The following TTC17 variants were observed in gnomAD, a reference collection of about 807,000 sequenced individuals.
The protein encoded by TTC17 is tetratricopeptide repeat protein 17.
A neutral mutation model predicts 143.8 loss-of-function variants in TTC17; 58 were observed. That is an observed-to-expected ratio of 0.40 (90% CI 0.33 to 0.50). TTC17 has a LOEUF of 0.50. Ranked by LOEUF, TTC17 falls within the 20% of genes least tolerant of loss-of-function variation. The pLI, the probability that TTC17 is intolerant of heterozygous loss-of-function variation, is 0.49. For missense variants in TTC17, 1,273 were observed against 1,392.5 expected, an observed-to-expected ratio of 0.91 and a Z score of 1.37; for synonymous variants, 501 against 497.8, an observed-to-expected ratio of 1.01 and a Z score of -0.09.
At chr11:43,363,647 C>G (rs771470220) in intron 1 of TTC17, among the ~76,000 whole-genome samples, 1 of 152,194 alleles carries the variant, frequency 6.6e-6, no homozygotes, top group African/African-American at 2.4e-5. Flanking sequence ...TGTGGACTTT[C>G]AGATTTGGAA....
chr11:43,483,294 G>A (rs1161869778), intron 21 of TTC17, among the ~76,000 whole-genome samples: 1 of 152,024 alleles, frequency 6.6e-6, no homozygotes. Flanking sequence ...CAGACTTCCA[G>A]ACATTAGAAT....
intron 16 of TTC17, among the ~76,000 whole-genome samples, chr11:43,435,656 G>T: frequency 6.6e-6 from 1 of 152,106 alleles, no homozygotes; most frequent in East Asian, 1.9e-4. Flanking sequence ...AGCCTTAATT[G>T]TTGACTTTCT....
chr11:43,468,499 A>G (rs1948025370), intron 21 of TTC17: 1 of 152,242 alleles, frequency 6.6e-6, no homozygotes, highest in South Asian at 2.1e-4. Flanking sequence ...CTTGAGATAA[A>G]TTATAGACAT....
In TTC17 at chr11:43,443,598, C is replaced by T. The variant is rs754415990; in HGVS notation, c.2511+14C>T. On this transcript the variant is annotated intron_variant, in intron 17 of 23. Coordinates refer to ENST00000039989, the MANE Select transcript of TTC17 (RefSeq NM_018259.6). ...GCAACAGAATGGGTAAGTTTGCCAA[C>T]TTAATTCTCACAAAATTGTAGCCCA... 3 of 1,596,048 alleles carry T rather than the reference C, an allele frequency of 1.9e-6. No homozygotes were observed. The highest frequency in any genetic ancestry group is 2.2e-5 in the South Asian group (2 of 88,902).
intron 1 of TTC17, among the ~76,000 whole-genome samples, chr11:43,364,047 CTTTTTTT>C (rs71308379): frequency 1.2e-4 from 11 of 94,450 alleles, no homozygotes; most frequent in South Asian, 3.5e-4. Flanking sequence ...TACAGATCCT[CTTTTTTT>C]TTTTTTTTTT....
chr11:43,444,697 G>A (rs184626582), intron 18 of TTC17, among the ~76,000 whole-genome samples: 8 of 148,258 alleles, frequency 5.4e-5, no homozygotes, highest in Middle Eastern at 3.5e-3. Context: ...TACGTGCAGC[G>A]TACATAGGCA....
chr11:43,449,161 T>G (rs1236826125), intron 19 of TTC17: 2 of 152,232 alleles, frequency 1.3e-5, no homozygotes, highest in Non-Finnish European at 2.9e-5. Flanking sequence ...CAAATATAAG[T>G]CAAATCATTC....
At chr11:43,367,209 G>C (rs1014758716) in intron 1 of TTC17, among the ~76,000 whole-genome samples, 1 of 152,066 alleles carries the variant, frequency 6.6e-6, no homozygotes, top group South Asian at 2.1e-4. Flanking sequence ...GAATCAGCCC[G>C]TAGGCCCTCA....
chr11:43,427,481 G>T (rs894762557), intron 16 of TTC17, among the ~76,000 whole-genome samples: 1 of 152,138 alleles, frequency 6.6e-6, no homozygotes, highest in Non-Finnish European at 1.5e-5. Flanking sequence ...GCTATTGCGG[G>T]TAGTTAATTT....
intron 15 of TTC17, among the ~76,000 whole-genome samples, chr11:43,412,170 A>T (rs1028447114): frequency 1.3e-5 from 2 of 152,200 alleles, no homozygotes; most frequent in African/African-American, 4.8e-5. Context: ...CATACAAAGT[A>T]CACTGTTTAC....
chr11:43,395,950 A>G (rs1857573501), intron 5 of TTC17, among the ~76,000 whole-genome samples: 1 of 152,162 alleles, frequency 6.6e-6, no homozygotes, highest in African/African-American at 2.4e-5. Flanking sequence ...TGTGGGAGTC[A>G]AAGGGTAAAT....
intron 21 of TTC17, among the ~76,000 whole-genome samples, chr11:43,465,900 G>A (rs943464455): frequency 6.6e-6 from 1 of 152,088 alleles, no homozygotes; most frequent in African/African-American, 2.4e-5. Context: ...GACACCAAAA[G>A]CACAGGCAAC....
intron 19 of TTC17, chr11:43,448,828 AATT>A (rs1315664015): frequency 3.3e-5 from 5 of 152,132 alleles, no homozygotes; most frequent in South Asian, 4.1e-4. Context: ...CATATTAAAA[AATT>A]ATTGTTTTTT....
intron 1 of TTC17, among the ~76,000 whole-genome samples, chr11:43,371,384 C>G (rs1856562209): frequency 6.6e-6 from 1 of 152,230 alleles, no homozygotes; most frequent in South Asian, 2.1e-4. Flanking sequence ...ATAGCTGCCT[C>G]TTTGGGTTCA....
At chr11:43,437,639 A>C (rs980939878) in intron 16 of TTC17, among the ~76,000 whole-genome samples, 10 of 152,212 alleles carry the variant, frequency 6.6e-5, no homozygotes, top group African/African-American at 2.4e-4. Flanking sequence ...ATTTAAATGA[A>C]ATAACTTTGG....
At chr11:43,368,634 A>G (rs531044553) in intron 1 of TTC17, among the ~76,000 whole-genome samples, 12 of 152,036 alleles carry the variant, frequency 7.9e-5, no homozygotes, top group Non-Finnish European at 1.5e-4. Flanking sequence ...CCTTGCTTCT[A>G]CTTTTGTCCC....
intron 3 of TTC17, among the ~76,000 whole-genome samples, chr11:43,390,901 C>G (rs1857359504): frequency 1.3e-5 from 2 of 152,170 alleles, no homozygotes; most frequent in South Asian, 4.1e-4. Context: ...CGTTTCTAGA[C>G]AATTGAGCAG....
chr11:43,490,570 G>A (rs1475249330), intron 22 of TTC17: 7 of 551,870 alleles, frequency 1.3e-5, no homozygotes, highest in South Asian at 3.6e-5. Flanking sequence ...AGGTTGGAAC[G>A]TGGGGAAGGC....
chr11:43,424,795 A>G (rs1466553117), intron 16 of TTC17, among the ~76,000 whole-genome samples: 1 of 152,146 alleles, frequency 6.6e-6, no homozygotes, highest in East Asian at 1.9e-4. Flanking sequence ...TTAATTGTGT[A>G]TTTTTAATAA....
Sources: allele counts gnomAD v4.1 joint callset (sites outside exome capture counted in the v4.1 genomes callset), GRCh38; gene constraint gnomAD v4.1.1; transcripts MANE v1.5; gene names NCBI Gene and HGNC (gene_info 2026-07-23, HGNC 2026-07-21).